MORC1: variants seen among roughly 807,000 people sequenced by gnomAD.
MORC1 encodes MORC family CW-type zinc finger 1.
Under a neutral mutation model 134.9 loss-of-function variants are expected in MORC1, and 59 were observed. That is an observed-to-expected ratio of 0.44 (90% CI 0.35 to 0.54). MORC1 has a LOEUF of 0.54. Ranked by LOEUF, MORC1 falls within the 20% of genes least tolerant of loss-of-function variation. The pLI is 0.00. For synonymous variants in MORC1, 395 were observed against 391.7 expected, an observed-to-expected ratio of 1.01 and a Z score of -0.10; for missense variants, 947 against 1,134.5, an observed-to-expected ratio of 0.83 and a Z score of 2.37.
rs368395031 is a variant in MORC1, at chr3:109,052,470, T to C, written c.1330+2258A>G. Among the ~76,000 whole-genome samples, 42 of 152,266 alleles carry C rather than the reference T, an allele frequency of 2.8e-4. 1 individual carries two copies. The East Asian group carries it at 5.8e-3, about 21-fold the overall frequency. ...AACAAGTTCCAGGTGATGTTGATAA[T>C]ATTAGTGCACAGAACACACTCTGAG... On this transcript the variant is annotated intron_variant, in intron 14 of 27. Coordinates refer to ENST00000232603, the MANE Select transcript of MORC1 (RefSeq NM_014429.4).
At chr3:109,069,581 C>T in intron 9 of MORC1, 51 bp downstream of exon 9, 1 of 1,486,226 alleles carries the variant, frequency 6.7e-7, no homozygotes, top group Non-Finnish European at 9.0e-7. Context: ...GGGAGCATAT[C>T]AATTTTATAA....
At position 109,035,449 on chromosome 3, in the gene MORC1, C is replaced by G; in HGVS notation, c.1350G>C (p.Leu450Phe). 6.8e-7 allele frequency: 1 copy of G among 1,468,266 alleles called. No individual in the cohort carries two copies. Among genetic ancestry groups the G allele is most frequent in the Non-Finnish European group, 9.2e-7 (1 of 1,085,168 alleles). The allele number at this position is 1,468,266 out of a possible 1,614,324, so 91.0% of individuals were successfully genotyped here. A position where few individuals can be genotyped will look rare whatever the true frequency, so the allele number is the denominator to read the frequency against. ...TCTGGTATCCAAATTCATTGCAAAA[C>G]AATGTTAAATTTCTATTATCTTTTA... ...DTGINNRNLT[L>F]FCNEFGYQND... Residue 450 changes from leucine (L) to phenylalanine (F), a missense_variant, in exon 15 of 28, where the codon TTG becomes TTC. Leu to Phe is a conservative substitution (Grantham distance 22). Around this residue, in one of 3 missense-constraint regions of MORC1, gnomAD observed 722 missense variants for 817.0 expected, o/e 0.88. Coordinates refer to ENST00000232603, the MANE Select transcript of MORC1 (RefSeq NM_014429.4).
chr3:109,052,903 G>C (rs368153029), intron 14 of MORC1, among the ~76,000 whole-genome samples: 1 of 151,780 alleles, frequency 6.6e-6, no homozygotes, highest in East Asian at 1.9e-4. Context: ...AATCTATAAG[G>C]AACTTAAAGA....
intron 21 of MORC1, among the ~76,000 whole-genome samples, chr3:108,990,192 T>C (rs1294113150): frequency 6.6e-6 from 1 of 152,154 alleles, no homozygotes; most frequent in African/African-American, 2.4e-5. Context: ...AGTATGAAAA[T>C]GGACTAATAT....
intron 20 of MORC1, among the ~76,000 whole-genome samples, chr3:109,001,531 G>C (rs567028213): frequency 6.6e-6 from 1 of 152,256 alleles, no homozygotes; most frequent in Admixed American, 6.5e-5. Flanking sequence ...AGTTGAGTTG[G>C]CTTCTCAACA....
At position 109,063,162 on chromosome 3, in the gene MORC1, T is replaced by G. The variant is rs778737149; in HGVS notation, c.885A>C (p.Ala295=). The part of the protein sequence containing the change: ...FKDEVKKAEE[A]VKIAESILKE... ...CAGGTAATCGCATACCAATCTTTAC[T>G]GCTTCTTCTGCCTTTTTAACTTCAT... Residue 295 remains alanine, a synonymous_variant, in exon 10 of 28, where the codon GCA becomes GCC. Transcript: ENST00000232603. The G allele has an allele frequency of 1.3e-6, 2 of 1,596,236 alleles. No individual in the cohort carries two copies. Among genetic ancestry groups the G allele is most frequent in the African/African-American group, 2.7e-5 (2 of 74,576 alleles).
chr3:109,066,566 G>A (rs1422434741), intron 9 of MORC1, among the ~76,000 whole-genome samples: 10 of 152,180 alleles, frequency 6.6e-5, no homozygotes, highest in African/African-American at 1.9e-4. Flanking sequence ...GGATACAGGC[G>A]TGAGCCACTG....
At chr3:109,001,295 G>A (rs1268240615) in intron 20 of MORC1, among the ~76,000 whole-genome samples, 1 of 151,928 alleles carries the variant, frequency 6.6e-6, no homozygotes, top group Non-Finnish European at 1.5e-5. Flanking sequence ...ACCACGCCTG[G>A]GAAATTAGCT....
At chr3:109,064,959 A>G (rs1950163954) in intron 9 of MORC1, among the ~76,000 whole-genome samples, 1 of 152,122 alleles carries the variant, frequency 6.6e-6, no homozygotes, top group African/African-American at 2.4e-5. Context: ...AAAAACTCAG[A>G]AGGCCTTCTG....
chr3:108,979,502 TA>T lies in MORC1; in HGVS notation c.2477+12del. On this transcript the variant is annotated intron_variant, in intron 24 of 27. Coordinates refer to ENST00000232603, the MANE Select transcript of MORC1 (RefSeq NM_014429.4). ...AACAAAGCATGTGGAAATATGTGAG[TA>T]AATATCTTTACCTTAACTTAGACTT... The T allele has an allele frequency of 6.2e-6, 10 of 1,612,786 alleles. No individual in the cohort carries two copies. The highest frequency in any genetic ancestry group is 8.5e-6 in the Non-Finnish European group (10 of 1,179,326).
chr3:109,004,700 T>C (rs1237401127), intron 20 of MORC1, 117 bp downstream of exon 20: 1 of 946,706 alleles, frequency 1.1e-6, no homozygotes, highest in South Asian at 1.7e-5. Context: ...GGTAACAATA[T>C]GTATGATTTA....
chr3:109,002,289 T>C (rs1370890940), intron 20 of MORC1, among the ~76,000 whole-genome samples: 1 of 152,164 alleles, frequency 6.6e-6, no homozygotes, highest in Non-Finnish European at 1.5e-5. Context: ...GATGGAACAA[T>C]GCTTTACTCA....
chr3:109,031,207 T>C (rs1039063585), intron 16 of MORC1, among the ~76,000 whole-genome samples: 1 of 152,112 alleles, frequency 6.6e-6, no homozygotes, highest in African/African-American at 2.4e-5. Flanking sequence ...TAGGGTTACA[T>C]CTGTGGGAAG....
chr3:108,974,043 AC>A (rs549448189), intron 24 of MORC1, among the ~76,000 whole-genome samples: 1 of 149,032 alleles, frequency 6.7e-6, no homozygotes, highest in African/African-American at 2.5e-5. Flanking sequence ...AGACACCCCC[AC>A]CCCCCCACCA....
At chr3:109,085,616 T>C (rs1950602624) in intron 8 of MORC1, among the ~76,000 whole-genome samples, 2 of 151,668 alleles carry the variant, frequency 1.3e-5, no homozygotes, top group Non-Finnish European at 2.9e-5. Flanking sequence ...TAATGGATAC[T>C]GGTGAGGATG....
At chr3:108,994,088 C>G (rs1948135505) in intron 21 of MORC1, among the ~76,000 whole-genome samples, 3 of 152,076 alleles carry the variant, frequency 2.0e-5, no homozygotes, top group Admixed American at 1.3e-4. Flanking sequence ...TGACCAGGTA[C>G]AACTGGTAAA....
intron 23 of MORC1, among the ~76,000 whole-genome samples, chr3:108,981,736 A>G (rs1040948267): frequency 6.6e-6 from 1 of 152,192 alleles, no homozygotes; most frequent in Non-Finnish European, 1.5e-5. Context: ...TGTTGTTATG[A>G]TCATCTTTAT....
At chr3:109,017,682 T>C (rs1423870109) in intron 17 of MORC1, among the ~76,000 whole-genome samples, 1 of 152,228 alleles carries the variant, frequency 6.6e-6, no homozygotes, top group East Asian at 1.9e-4. Context: ...AATAGAAATC[T>C]GAATAACACA....
intron 12 of MORC1, among the ~76,000 whole-genome samples, chr3:109,059,329 T>G (rs999323363): frequency 6.6e-6 from 1 of 152,128 alleles, no homozygotes; most frequent in African/African-American, 2.4e-5. Flanking sequence ...AACATATCCT[T>G]CCTATTTTCA....
Sources: allele counts gnomAD v4.1 joint callset (sites outside exome capture counted in the v4.1 genomes callset), GRCh38; gene constraint gnomAD v4.1.1; regional missense constraint gnomAD v4.1.1; transcripts MANE v1.5; gene names NCBI Gene and HGNC (gene_info 2026-07-23, HGNC 2026-07-21).